Variants in ERCC6L2 observed in about 807,000 individuals in gnomAD.
The protein encoded by ERCC6L2 is ERCC excision repair 6 like 2.
Under a neutral mutation model 132.0 loss-of-function variants are expected in ERCC6L2, and 77 were observed. The ratio of observed to expected loss-of-function variants is 0.58; its 90% CI spans 0.49 to 0.71. The LOEUF is 0.71. Ranked by LOEUF, ERCC6L2 falls within the 30% of genes least tolerant of loss-of-function variation. The probability of loss-of-function intolerance (pLI) is 0.00; values close to 1 mark genes in which losing one functional copy is unlikely to be tolerated. For missense variants in ERCC6L2, 1,542 were observed against 1,837.6 expected, an observed-to-expected ratio of 0.84 and a Z score of 2.94; for synonymous variants, 583 against 632.4, an observed-to-expected ratio of 0.92 and a Z score of 1.17.
chr9:95,919,613 C>G (rs573649217), intron 6 of ERCC6L2, among the ~76,000 whole-genome samples: 1 of 152,146 alleles, frequency 6.6e-6, no homozygotes, highest in Non-Finnish European at 1.5e-5. Flanking sequence ...GGAGAAGAAC[C>G]CTGATAGAAT....
At chr9:96,020,466 G>C (rs1834266646), downstream of ERCC6L2, 2 of 320,910 alleles carry the variant, frequency 6.2e-6, no homozygotes, top group Non-Finnish European at 1.2e-5. Flanking sequence ...TGCCAGCAAA[G>C]GGCAAACCGA....
intron 3 of ERCC6L2, among the ~76,000 whole-genome samples, chr9:95,899,494 A>C (rs898795384): frequency 6.6e-6 from 1 of 151,636 alleles, no homozygotes; most frequent in Non-Finnish European, 1.5e-5. Context: ...TAACAAAGAT[A>C]CTCATTTGAT....
At chr9:95,895,750 CAG>C (rs1491177719) in intron 2 of ERCC6L2, among the ~76,000 whole-genome samples, 1 of 132,040 alleles carries the variant, frequency 7.6e-6, no homozygotes, top group East Asian at 2.1e-4. Context: ...TTTTTTGAGA[CAG>C]AGTCTTGCTC....
downstream of ERCC6L2, among the ~76,000 whole-genome samples, chr9:96,022,811 T>G (rs1384450978): frequency 6.6e-6 from 1 of 152,130 alleles, no homozygotes; most frequent in African/African-American, 2.4e-5. Flanking sequence ...TCTCCACACT[T>G]GGCTCTTCAG....
chr9:95,876,189 T>C (rs1827256839), intron 1 of ERCC6L2, 105 bp downstream of exon 1: 1 of 1,051,246 alleles, frequency 9.5e-7, no homozygotes, highest in South Asian at 1.5e-5. Context: ...CTGTAGATCC[T>C]CTTCAGTGAC....
chr9:95,997,803 A>G (rs928745518), intron 17 of ERCC6L2, among the ~76,000 whole-genome samples: 4 of 150,360 alleles, frequency 2.7e-5, no homozygotes, highest in African/African-American at 9.8e-5. Flanking sequence ...ATAATTGGTA[A>G]TGAACAAGTT....
chr9:96,006,493 G>GC (rs1221395156), intron 18 of ERCC6L2, among the ~76,000 whole-genome samples: 1 of 152,184 alleles, frequency 6.6e-6, no homozygotes, highest in Non-Finnish European at 1.5e-5. Flanking sequence ...TGGAAGCAGT[G>GC]CGCGCGCCCT....
chr9:95,971,812 T>C, intron 15 of ERCC6L2, 121 bp from the exon 16 acceptor site: 1 of 386,250 alleles, frequency 2.6e-6, no homozygotes, highest in Non-Finnish European at 4.3e-6. Flanking sequence ...TGTTGTACTT[T>C]TAGAAAATAT....
At chr9:95,879,766 T>C (rs1827491634) in intron 1 of ERCC6L2, among the ~76,000 whole-genome samples, 1 of 152,200 alleles carries the variant, frequency 6.6e-6, no homozygotes, top group Non-Finnish European at 1.5e-5. Flanking sequence ...TTAGATAGTA[T>C]AAACATGTCA....
At position 95,966,356 on chromosome 9, in the gene ERCC6L2, A is replaced by G. The variant is rs1313183858; in HGVS notation, c.1948-206A>G. On this transcript the variant is annotated intron_variant, in intron 13 of 18. Transcript: ENST00000653738. ...AGAAAACAGATAAAATAGGAAATAT[A>G]AGATCTCTGTTTCAATAAGACTGGC... 2.0e-5 allele frequency among the ~76,000 whole-genome samples: 3 copies of G among 152,232 alleles called. No individual in the cohort carries two copies. In the East Asian group the frequency reaches 5.8e-4, roughly 29 times the overall value.
intron 16 of ERCC6L2, among the ~76,000 whole-genome samples, chr9:95,976,197 C>T (rs769993028): frequency 1.3e-5 from 2 of 152,148 alleles, no homozygotes; most frequent in Non-Finnish European, 2.9e-5. Flanking sequence ...CTGTGGTGGG[C>T]TTTCCTCTCG....
intron 12 of ERCC6L2, among the ~76,000 whole-genome samples, chr9:95,953,142 G>T (rs1454298236): frequency 6.6e-6 from 1 of 152,100 alleles, no homozygotes; most frequent in African/African-American, 2.4e-5. Flanking sequence ...TAGCTATATA[G>T]GTGTTATAGT....
intron 19 of ERCC6L2, among the ~76,000 whole-genome samples, chr9:96,030,525 G>T (rs181219821): frequency 6.6e-6 from 1 of 151,710 alleles, no homozygotes; most frequent in Non-Finnish European, 1.5e-5. Context: ...GTGAAACCCC[G>T]TCTCTACTAA....
chr9:95,949,562 G>GA (rs199673950), intron 12 of ERCC6L2, among the ~76,000 whole-genome samples: 285 of 149,372 alleles, frequency 1.9e-3, no homozygotes, highest in African/African-American at 6.0e-3. Flanking sequence ...TGTATTGGGG[G>GA]AAAAAAAAAC....
At chr9:95,933,143 G>A (rs1337565254) in intron 11 of ERCC6L2, among the ~76,000 whole-genome samples, 1 of 152,176 alleles carries the variant, frequency 6.6e-6, no homozygotes, top group African/African-American at 2.4e-5. Flanking sequence ...TATGGCATCT[G>A]AGATGGCATC....
intron 11 of ERCC6L2, among the ~76,000 whole-genome samples, chr9:95,934,182 G>A (rs1830461589): frequency 6.6e-6 from 1 of 152,082 alleles, no homozygotes; most frequent in South Asian, 2.1e-4. Context: ...TTGGATTTTG[G>A]TTTTGCCTTT....
intron 4 of ERCC6L2, among the ~76,000 whole-genome samples, chr9:95,913,692 C>T (rs554390352): frequency 6.6e-6 from 1 of 152,216 alleles, no homozygotes; most frequent in East Asian, 1.9e-4. Context: ...CTGGCAACTA[C>T]TGATCTGCTT....
At chr9:95,923,949 A>G (rs2308109) in intron 9 of ERCC6L2, among the ~76,000 whole-genome samples, 1 of 105,950 alleles carries the variant, frequency 9.4e-6, no homozygotes, top group African/African-American at 2.6e-5. Context: ...GAAGGGTGGG[A>G]AAAGTAAGGC....
At chr9:95,898,596 A>G (rs976997113) in intron 3 of ERCC6L2, among the ~76,000 whole-genome samples, 4 of 152,176 alleles carry the variant, frequency 2.6e-5, no homozygotes, top group Non-Finnish European at 5.9e-5. Context: ...AAGATTTCTA[A>G]TAAAGCAATG....
Sources: gnomAD v4.1 joint callset for allele counts (sites outside exome capture counted in the v4.1 genomes callset) on GRCh38, gnomAD v4.1.1 for gene constraint, MANE v1.5 for transcripts, NCBI Gene and HGNC (gene_info 2026-07-23, HGNC 2026-07-21) for gene names.